The following BTRC variants were observed in gnomAD, a reference collection of about 807,000 sequenced individuals.
BTRC encodes the protein beta-transducin repeat containing E3 ubiquitin protein ligase, also known as F-box/WD repeat-containing protein 1A.
Under a neutral mutation model 85.5 loss-of-function variants are expected in BTRC, and 42 were observed. That is an observed-to-expected ratio of 0.49 (90% CI 0.38 to 0.64). The LOEUF (loss-of-function observed/expected upper bound fraction) is 0.64. BTRC is among the 30% of genes least tolerant of loss of function. The pLI is 0.00. For synonymous variants in BTRC, 255 were observed against 263.3 expected (o/e 0.97, Z 0.30); for missense variants, 594 against 743.5 (o/e 0.80, Z 2.34).
chr10:101,365,612 A>G (rs2134498889), intron 1 of BTRC, among the ~76,000 whole-genome samples: 1 of 151,724 alleles, frequency 6.6e-6, no homozygotes, highest in African/African-American at 2.4e-5. Context: ...AGTAGCTGGG[A>G]CTACAGGTGT....
At chr10:101,426,965 T>C (rs1177987033) in intron 1 of BTRC, among the ~76,000 whole-genome samples, 1 of 152,142 alleles carries the variant, frequency 6.6e-6, no homozygotes, top group Non-Finnish European at 1.5e-5. Flanking sequence ...TGTGTTTTCA[T>C]GCTCTATTTA....
chr10:101,415,842 T>G (rs1213411497), intron 1 of BTRC, among the ~76,000 whole-genome samples: 2 of 152,108 alleles, frequency 1.3e-5, no homozygotes, highest in Non-Finnish European at 2.9e-5. Flanking sequence ...CGCCTGGCCC[T>G]TTTAATCTTT....
chr10:101,507,828 CATT>C (rs1946580582), intron 4 of BTRC, among the ~76,000 whole-genome samples: 1 of 152,186 alleles, frequency 6.6e-6, no homozygotes, highest in Non-Finnish European at 1.5e-5. Context: ...TATAATTAAA[CATT>C]ATGTCCTTTT....
chr10:101,531,831 A>G (rs1297703438), intron 7 of BTRC, among the ~76,000 whole-genome samples: 5 of 152,248 alleles, frequency 3.3e-5, no homozygotes, highest in Non-Finnish European at 7.3e-5. Context: ...TAATAAGTAG[A>G]TGAGAGAGTT....
intron 1 of BTRC, among the ~76,000 whole-genome samples, chr10:101,383,432 C>T (rs1215293353): frequency 6.7e-6 from 1 of 149,814 alleles, no homozygotes; most frequent in Non-Finnish European, 1.5e-5. Flanking sequence ...AGTTCTGAAG[C>T]AATTGGTTGT....
Position 101,383,648 on chromosome 10 carries a change from A to G in BTRC, c.48+29420A>G, listed in dbSNP as rs373178651. Among the ~76,000 whole-genome samples, 11 of 152,278 alleles carry G rather than the reference A, an allele frequency of 7.2e-5. No homozygotes were observed. The East Asian group carries it at 1.9e-3, about 27-fold the overall frequency. The stretch of plus-strand genomic sequence containing the variant: ...CTAAAGTGCTGGGGTTACAGGCATG[A>G]GCCACTGTGCTGACCTTGGGATACT... On this transcript the variant is annotated intron_variant, in intron 1 of 14. Transcript: ENST00000370187.
chr10:101,504,747 C>T (rs1372732646), intron 4 of BTRC, among the ~76,000 whole-genome samples: 1 of 151,614 alleles, frequency 6.6e-6, no homozygotes, highest in Non-Finnish European at 1.5e-5. Context: ...CTTTCCTCCC[C>T]TCCTTTCAGC....
chr10:101,435,736 GAGTA>G (rs1944511265), intron 2 of BTRC, among the ~76,000 whole-genome samples: 1 of 152,070 alleles, frequency 6.6e-6, no homozygotes, highest in African/African-American at 2.4e-5. Flanking sequence ...TTGGGTCATA[GAGTA>G]AGTGTATTTT....
intron 1 of BTRC, among the ~76,000 whole-genome samples, chr10:101,396,405 GA>G (rs1263355228): frequency 6.2e-5 from 9 of 145,208 alleles, no homozygotes; most frequent in East Asian, 2.0e-4. Flanking sequence ...GGGAGGTGAA[GA>G]TTTTTTTTTT....
intron 1 of BTRC, among the ~76,000 whole-genome samples, chr10:101,418,745 C>T (rs1478913624): frequency 1.3e-5 from 2 of 151,786 alleles, no homozygotes; most frequent in Non-Finnish European, 2.9e-5. Flanking sequence ...GCAGGATGTG[C>T]AGGTTTGGTA....
chr10:101,547,713 C>G (rs1349034798), intron 13 of BTRC, among the ~76,000 whole-genome samples: 3 of 151,958 alleles, frequency 2.0e-5, no homozygotes, highest in African/African-American at 7.3e-5. Flanking sequence ...TAATAATGTG[C>G]CAATAAAATG....
chr10:101,535,593 T>C (rs925245508), intron 11 of BTRC, 121 bp downstream of exon 11: 1 of 665,782 alleles, frequency 1.5e-6, no homozygotes, highest in African/African-American at 1.9e-5. Context: ...TTCCTTTCTG[T>C]AGCTTCTTAC....
chr10:101,534,597 A>T, intron 9 of BTRC, 64 bp from the exon 10 acceptor site: 1 of 1,596,466 alleles, frequency 6.3e-7, no homozygotes, highest in South Asian at 1.1e-5. Flanking sequence ...AGGGCGCATG[A>T]TGGTCAAATA....
At chr10:101,406,454 G>A (rs939403205) in intron 1 of BTRC, among the ~76,000 whole-genome samples, 3 of 148,392 alleles carry the variant, frequency 2.0e-5, no homozygotes, top group African/African-American at 5.0e-5. Flanking sequence ...GTGAGCCACT[G>A]CACCCGGCCT....
At chr10:101,548,880 C>G (rs917600462) in intron 13 of BTRC, among the ~76,000 whole-genome samples, 1 of 151,720 alleles carries the variant, frequency 6.6e-6, no homozygotes, top group African/African-American at 2.4e-5. Context: ...TGGTGAAACC[C>G]CGTCTCTACT....
chr10:101,538,892 A>T (rs1016159857), intron 13 of BTRC, among the ~76,000 whole-genome samples: 2 of 150,082 alleles, frequency 1.3e-5, no homozygotes. Flanking sequence ...TGCTAAAAAT[A>T]AAAAAAAAAT....
intron 3 of BTRC, among the ~76,000 whole-genome samples, chr10:101,464,638 C>T (rs1945324526): frequency 6.8e-6 from 1 of 147,582 alleles, no homozygotes; most frequent in Admixed American, 7.1e-5. Flanking sequence ...GGCTTTTTCT[C>T]CTCCCTTCTT....
intron 2 of BTRC, among the ~76,000 whole-genome samples, chr10:101,439,629 A>G (rs1015947518): frequency 6.6e-6 from 1 of 152,138 alleles, no homozygotes; most frequent in African/African-American, 2.4e-5. Flanking sequence ...TTTCATTGAT[A>G]GGGTTGGAAG....
At position 101,550,811 on chromosome 10, in the gene BTRC, C is replaced by A; in HGVS notation, c.1769C>A (p.Ala590Asp). 6.2e-7 allele frequency: 1 copy of A among 1,614,150 alleles called. No homozygotes were observed. Among genetic ancestry groups the A allele is most frequent in the Non-Finnish European group, 8.5e-7 (1 of 1,180,010 alleles). ...TTCCTAAATGATCCAGCTGCCCAAG[C>A]TGAACCCCCCCGTTCCCCTTCTCGA... ...WDFLNDPAAQAEPPRSPSRTY... is the reference protein window; with the variant it reads ...WDFLNDPAAQDEPPRSPSRTY... The change falls in exon 14 of 15, where the codon GCT (alanine) becomes GAT (aspartate). Residue 590 changes from alanine to aspartate, a missense_variant. By Grantham distance (126) the Ala-to-Asp change is moderately radical. This residue lies in a region of BTRC where 56 missense variants were observed against 39.6 expected (regional missense o/e 1.41). Coordinates refer to ENST00000370187, the MANE Select transcript of BTRC (RefSeq NM_033637.4).
Sources: gnomAD v4.1 joint callset for allele counts (sites outside exome capture counted in the v4.1 genomes callset) on GRCh38, gnomAD v4.1.1 for gene constraint, gnomAD v4.1.1 regional missense constraint, MANE v1.5 for transcripts, NCBI Gene and HGNC (gene_info 2026-07-23, HGNC 2026-07-21) for gene names.